Variants in DLG2 observed in about 807,000 individuals in gnomAD.
The protein encoded by DLG2 is discs large MAGUK scaffold protein 2.
In DLG2, 45 loss-of-function variants were observed where a neutral mutation model predicts 132.5. That is an observed-to-expected ratio of 0.34 (90% confidence interval 0.27 to 0.44). The LOEUF (loss-of-function observed/expected upper bound fraction) is 0.44, where lower values mean the gene tolerates loss of function less well. DLG2 is among the 20% of genes least tolerant of loss of function. The pLI, the probability that DLG2 is intolerant of heterozygous loss-of-function variation, is 1.00. For missense variants in DLG2, 1,045 were observed against 1,196.9 expected, an observed-to-expected ratio of 0.87 and a Z score of 1.87; for synonymous variants, 424 against 419.6, an observed-to-expected ratio of 1.01 and a Z score of -0.13.
At chr11:84,335,247 A>G (rs999328606) in intron 7 of DLG2, among the ~76,000 whole-genome samples, 3 of 151,168 alleles carry the variant, frequency 2.0e-5, no homozygotes, top group African/African-American at 4.9e-5. Context: ...AAGGGAAGGA[A>G]TGAAGGAACA....
intron 3 of DLG2, among the ~76,000 whole-genome samples, chr11:85,442,652 A>G (rs1193433994): frequency 6.6e-6 from 1 of 152,164 alleles, no homozygotes; most frequent in Non-Finnish European, 1.5e-5. Context: ...GCTTGAGGTC[A>G]GGAGTTTGAT....
At chr11:84,970,596 G>C (rs1476231623) in intron 6 of DLG2, among the ~76,000 whole-genome samples, 3 of 152,096 alleles carry the variant, frequency 2.0e-5, no homozygotes, top group Admixed American at 2.0e-4. Flanking sequence ...CATAGCAGAA[G>C]AGGTGAAACA....
intron 6 of DLG2, among the ~76,000 whole-genome samples, chr11:85,062,144 T>A (rs969415217): frequency 2.0e-5 from 3 of 151,834 alleles, no homozygotes; most frequent in Non-Finnish European, 4.4e-5. Flanking sequence ...TATCTGAAAT[T>A]GAACAGAGCT....
chr11:84,977,003 T>C (rs1401905829), intron 6 of DLG2, among the ~76,000 whole-genome samples: 3 of 152,166 alleles, frequency 2.0e-5, no homozygotes, highest in African/African-American at 7.2e-5. Flanking sequence ...GGTTACAATG[T>C]AGCTATATAG....
chr11:84,101,531 A>T (rs1246125895), intron 9 of DLG2, among the ~76,000 whole-genome samples: 1 of 140,344 alleles, frequency 7.1e-6, no homozygotes, highest in Non-Finnish European at 1.5e-5. Flanking sequence ...AAAGCATAGC[A>T]AAAAAAAGCA....
rs1376440940 is a variant in DLG2 at position 83,525,849 on chromosome 11, T to A, written c.2193+6859A>T. Among the ~76,000 whole-genome samples, 13 of 152,230 alleles carry A rather than the reference T, an allele frequency of 8.5e-5. No homozygotes were observed. In the East Asian group the frequency reaches 2.3e-3, roughly 27 times the overall value. On this transcript the variant is annotated intron_variant, in intron 21 of 27. Coordinates refer to ENST00000376104, the MANE Select transcript of DLG2 (RefSeq NM_001142699.3). ...GAAGCTGTGACAAAATCAATCCCTA[T>A]AACTCACTCTGGTGAAGCAAATAAA...
At chr11:83,822,043 T>C (rs1312351683) in intron 17 of DLG2, among the ~76,000 whole-genome samples, 2 of 152,118 alleles carry the variant, frequency 1.3e-5, no homozygotes, top group Non-Finnish European at 2.9e-5. Flanking sequence ...ATAGAATCTA[T>C]GGAGTTGGTG....
chr11:85,604,143 T>C (rs977612112), intron 2 of DLG2, among the ~76,000 whole-genome samples: 1 of 152,236 alleles, frequency 6.6e-6, no homozygotes, highest in South Asian at 2.1e-4. Flanking sequence ...GAGCTTACTA[T>C]GCCTCTCATC....
intron 6 of DLG2, among the ~76,000 whole-genome samples, chr11:84,760,830 G>A (rs1485143518): frequency 6.6e-6 from 1 of 152,124 alleles, no homozygotes; most frequent in Non-Finnish European, 1.5e-5. Flanking sequence ...TGGACACTGG[G>A]CCGGCGACAG....
At position 83,474,899 on chromosome 11, in the gene DLG2, T is replaced by A. The variant is rs187804689; in HGVS notation, c.2294-2122A>T. On this transcript the variant is annotated intron_variant, in intron 22 of 27. Transcript: ENST00000376104. ...TAAAGGCAAATCTTTAATAAGATATTTGATGTCAGTGTGTATGATTGCGAT... is the reference window on the plus strand; with the variant it reads ...TAAAGGCAAATCTTTAATAAGATATATGATGTCAGTGTGTATGATTGCGAT... Among the ~76,000 whole-genome samples the A allele has an allele frequency of 5.8e-4, 89 of 152,300 alleles. 1 individual carries two copies. The highest frequency in any genetic ancestry group is 2.0e-3 in the African/African-American group (83 of 41,570).
intron 5 of DLG2, among the ~76,000 whole-genome samples, chr11:85,148,067 T>C (rs919249141): frequency 2.0e-5 from 3 of 152,196 alleles, no homozygotes; most frequent in Non-Finnish European, 2.9e-5. Context: ...TCCATGTCCC[T>C]GCAAAAGACA....
chr11:84,719,491 G>C (rs891286272), intron 6 of DLG2, among the ~76,000 whole-genome samples: 1 of 152,150 alleles, frequency 6.6e-6, no homozygotes, highest in Admixed American at 6.5e-5. Context: ...CATGCACTCA[G>C]GCCATTAATG....
At chr11:84,959,604 T>A (rs1169777810) in intron 6 of DLG2, among the ~76,000 whole-genome samples, 2 of 152,172 alleles carry the variant, frequency 1.3e-5, no homozygotes, top group Non-Finnish European at 2.9e-5. Flanking sequence ...GTTAGTTTCT[T>A]AAAAAAATAA....
At chr11:84,592,359 G>A (rs1436935009) in intron 6 of DLG2, among the ~76,000 whole-genome samples, 1 of 152,190 alleles carries the variant, frequency 6.6e-6, no homozygotes, top group Non-Finnish European at 1.5e-5. Context: ...CCAGTAGTAT[G>A]CTAGTCTCTT....
intron 18 of DLG2, among the ~76,000 whole-genome samples, chr11:83,774,435 A>G (rs1390027324): frequency 4.6e-5 from 7 of 152,250 alleles, no homozygotes; most frequent in African/African-American, 1.7e-4. Flanking sequence ...CCTGTGAGAT[A>G]GGTATGAATC....
At chr11:85,224,275 AAG>A (rs1247035434) in intron 4 of DLG2, among the ~76,000 whole-genome samples, 1 of 152,168 alleles carries the variant, frequency 6.6e-6, no homozygotes, top group African/African-American at 2.4e-5. Context: ...GGGGAGGAGA[AAG>A]AATAATTTTT....
intron 6 of DLG2, among the ~76,000 whole-genome samples, chr11:85,090,991 G>A (rs1239803446): frequency 1.3e-5 from 2 of 152,134 alleles, no homozygotes; most frequent in African/African-American, 4.8e-5. Context: ...AGACAGGGTG[G>A]TGCCATGTTC....
In DLG2 at chr11:83,524,216, G is replaced by T. The variant is rs547559476; in HGVS notation, c.2193+8492C>A. On this transcript the variant is annotated intron_variant, in intron 21 of 27. Transcript: ENST00000376104. ...AAGTTATGATAATTGATAGGAGTTG[G>T]TTATTCTGTCTGATTCCAAACTTTT... Among the ~76,000 whole-genome samples the T allele has an allele frequency of 2.0e-3, 308 of 152,246 alleles. 1 individual carries two copies. The highest frequency in any genetic ancestry group is 2.3e-3 in the Non-Finnish European group (155 of 68,020).
At chr11:84,737,702 G>C (rs1271120288) in intron 6 of DLG2, among the ~76,000 whole-genome samples, 1 of 152,002 alleles carries the variant, frequency 6.6e-6, no homozygotes, top group African/African-American at 2.4e-5. Context: ...GCTCTCAGTA[G>C]TGCAGGCAAC....
Sources: gnomAD v4.1 joint callset for allele counts (sites outside exome capture counted in the v4.1 genomes callset) on GRCh38, gnomAD v4.1.1 for gene constraint, MANE v1.5 for transcripts, NCBI Gene and HGNC (gene_info 2026-07-23, HGNC 2026-07-21) for gene names.